The following CACNB2 variants were observed in gnomAD, a reference collection of about 807,000 sequenced individuals.
CACNB2 encodes calcium voltage-gated channel auxiliary subunit beta 2, also known as voltage-dependent L-type calcium channel subunit beta-2.
A neutral mutation model predicts 73.3 loss-of-function variants in CACNB2; 42 were observed. That is an observed-to-expected ratio of 0.57 (90% CI 0.45 to 0.74). CACNB2 has a LOEUF of 0.74. Ranked by LOEUF, CACNB2 falls within the 30% of genes least tolerant of loss-of-function variation. CACNB2 has a pLI of 0.00. For missense variants in CACNB2, 940 were observed against 853.0 expected (o/e 1.10, Z -1.27); for synonymous variants, 348 against 310.3 (o/e 1.12, Z -1.28).
intron 2 of CACNB2, among the ~76,000 whole-genome samples, chr10:18,154,128 GA>G (rs1455525703): frequency 1.1e-4 from 17 of 151,666 alleles, no homozygotes. Flanking sequence ...AAAAACCTTA[GA>G]ATTTTATTGT....
chr10:18,507,129 T>C (rs1295816706), intron 6 of CACNB2, among the ~76,000 whole-genome samples: 2 of 152,200 alleles, frequency 1.3e-5, no homozygotes, highest in Non-Finnish European at 2.9e-5. Flanking sequence ...GTTCCTGCGA[T>C]GGTGCTTGTC....
chr10:18,541,963 T>A lies in CACNB2; in HGVS notation c.*2239T>A, dbSNP rs1007508889. 2.0e-5 allele frequency: 3 copies of A among 152,174 alleles called. No individual in the cohort carries two copies. Among genetic ancestry groups the A allele is most frequent in the Non-Finnish European group, 4.4e-5 (3 of 68,034 alleles). The allele number at this position is 152,174 out of a possible 1,614,324, so 9.4% of individuals were successfully genotyped here. A position where few individuals can be genotyped will look rare whatever the true frequency, so the allele number is the denominator to read the frequency against. ...ATTATTCCAAGTTCTTACCAAATATTCTTAGCCTTTTATAAGTAAAACTGT... is the reference window on the plus strand; with the variant it reads ...ATTATTCCAAGTTCTTACCAAATATACTTAGCCTTTTATAAGTAAAACTGT... On this transcript the variant is annotated 3_prime_UTR_variant, in exon 14 of 14. Transcript: ENST00000324631.
At chr10:18,358,426 A>C (rs943923782) in intron 2 of CACNB2, among the ~76,000 whole-genome samples, 1 of 151,756 alleles carries the variant, frequency 6.6e-6, no homozygotes, top group Non-Finnish European at 1.5e-5. Flanking sequence ...AGCAACTAGT[A>C]TATGCTACCT....
At chr10:18,184,472 T>G (rs1006329908) in intron 2 of CACNB2, among the ~76,000 whole-genome samples, 3 of 152,152 alleles carry the variant, frequency 2.0e-5, no homozygotes, top group African/African-American at 7.2e-5. Flanking sequence ...GTACCTTTGT[T>G]ATAATTAATG....
chr10:18,389,464 A>G (rs1378369826), intron 2 of CACNB2, among the ~76,000 whole-genome samples: 2 of 152,136 alleles, frequency 1.3e-5, no homozygotes, highest in Non-Finnish European at 2.9e-5. Flanking sequence ...ACATACGTGA[A>G]TGTATGTATA....
intron 2 of CACNB2, among the ~76,000 whole-genome samples, chr10:18,212,476 A>G (rs1042825087): frequency 6.6e-6 from 1 of 152,112 alleles, no homozygotes; most frequent in African/African-American, 2.4e-5. Flanking sequence ...TTGGTTTTCC[A>G]CTGCATTTTC....
chr10:18,537,845 A>G (rs1244048729), intron 12 of CACNB2, among the ~76,000 whole-genome samples: 1 of 152,124 alleles, frequency 6.6e-6, no homozygotes, highest in Admixed American at 6.5e-5. Flanking sequence ...ATTCTATTCT[A>G]TTCTGTTCAA....
chr10:18,316,519 A>G (rs1412361234), intron 2 of CACNB2, among the ~76,000 whole-genome samples: 2 of 149,980 alleles, frequency 1.3e-5, no homozygotes. Flanking sequence ...GCTAGACTGC[A>G]GTGGTGTGGC....
intron 2 of CACNB2, among the ~76,000 whole-genome samples, chr10:18,398,557 G>A (rs1240908104): frequency 6.6e-6 from 1 of 151,978 alleles, no homozygotes; most frequent in Non-Finnish European, 1.5e-5. Flanking sequence ...TGTATTCCCA[G>A]CTGCTTGGGA....
intron 2 of CACNB2, among the ~76,000 whole-genome samples, chr10:18,278,990 T>C (rs1160167109): frequency 1.3e-5 from 2 of 152,110 alleles, no homozygotes; most frequent in African/African-American, 4.8e-5. Context: ...GCACTCCAGC[T>C]TGGACAACAG....
intron 2 of CACNB2, among the ~76,000 whole-genome samples, chr10:18,357,846 A>G (rs778068190): frequency 2.6e-5 from 4 of 152,128 alleles, no homozygotes; most frequent in Non-Finnish European, 4.4e-5. Context: ...AGTCATTGAA[A>G]CAACCAAAAA....
chr10:18,174,765 A>G (rs1160744258), intron 2 of CACNB2, among the ~76,000 whole-genome samples: 1 of 152,144 alleles, frequency 6.6e-6, no homozygotes, highest in African/African-American at 2.4e-5. Flanking sequence ...ATTACAGACA[A>G]GTATGTGTGC....
intron 3 of CACNB2, among the ~76,000 whole-genome samples, chr10:18,410,480 C>T (rs146632309): frequency 1.0e-3 from 158 of 151,786 alleles, no homozygotes; most frequent in East Asian, 2.3e-3. Flanking sequence ...AACATGTTTA[C>T]GTCCCATCAG....
chr10:18,174,004 TAG>T (rs1360681198), intron 2 of CACNB2, among the ~76,000 whole-genome samples: 1 of 152,184 alleles, frequency 6.6e-6, no homozygotes, highest in Non-Finnish European at 1.5e-5. Flanking sequence ...CAAAAACTTA[TAG>T]AGAGTGAAAA....
intron 2 of CACNB2, among the ~76,000 whole-genome samples, chr10:18,326,185 A>C (rs2040585059): frequency 6.6e-6 from 1 of 151,506 alleles, no homozygotes; most frequent in African/African-American, 2.4e-5. Flanking sequence ...GAAAAAAATA[A>C]AGCAGTTTTA....
intron 2 of CACNB2, among the ~76,000 whole-genome samples, chr10:18,249,946 A>T (rs983525844): frequency 1.1e-4 from 17 of 152,278 alleles, no homozygotes; most frequent in African/African-American, 3.8e-4. Context: ...TGGAGCAATC[A>T]TGTGAATGGT....
intron 2 of CACNB2, among the ~76,000 whole-genome samples, chr10:18,194,212 C>T (rs544925848): frequency 8.5e-5 from 13 of 152,304 alleles, no homozygotes; most frequent in African/African-American, 3.1e-4. Context: ...TGATGTTCAT[C>T]TGTCTCCTTC....
chr10:18,209,938 T>G (rs1188316412), intron 2 of CACNB2, among the ~76,000 whole-genome samples: 1 of 152,118 alleles, frequency 6.6e-6, no homozygotes, highest in Non-Finnish European at 1.5e-5. Context: ...AGCTCCTTGG[T>G]GGATGTCTAG....
intron 3 of CACNB2, among the ~76,000 whole-genome samples, chr10:18,411,326 C>T (rs2044614939): frequency 6.6e-6 from 1 of 152,120 alleles, no homozygotes; most frequent in Non-Finnish European, 1.5e-5. Flanking sequence ...TTGACATATA[C>T]TTATGACTGG....
Sources: allele counts gnomAD v4.1 joint callset (sites outside exome capture counted in the v4.1 genomes callset), GRCh38; gene constraint gnomAD v4.1.1; transcripts MANE v1.5; gene names NCBI Gene and HGNC (gene_info 2026-07-23, HGNC 2026-07-21).